The following INSYN2B variants were observed in gnomAD, a reference collection of about 807,000 sequenced individuals.
INSYN2B encodes protein INSYN2B.
In INSYN2B, 16 loss-of-function variants were observed where a neutral mutation model predicts 41.2. That is an observed-to-expected ratio of 0.39 (90% CI 0.26 to 0.59). INSYN2B has a LOEUF of 0.59. Among genes scored for constraint, INSYN2B ranks in the 20% least tolerant of loss-of-function variants. The pLI, the probability that INSYN2B is intolerant of heterozygous loss-of-function variation, is 0.57. For synonymous variants in INSYN2B, 245 were observed against 244.4 expected, an observed-to-expected ratio of 1.00 and a Z score of -0.02; for missense variants, 608 against 646.4, an observed-to-expected ratio of 0.94 and a Z score of 0.64.
chr5:169,868,004 A>G (rs1265829639), intron 3 of INSYN2B, among the ~76,000 whole-genome samples: 1 of 152,222 alleles, frequency 6.6e-6, no homozygotes, highest in African/African-American at 2.4e-5. Context: ...AGCTCCTGAA[A>G]TAGCCCTGCC....
At chr5:169,967,337 T>A (rs1428377506) in intron 1 of INSYN2B, among the ~76,000 whole-genome samples, 7 of 152,066 alleles carry the variant, frequency 4.6e-5, no homozygotes, top group African/African-American at 1.7e-4. Context: ...GTTTAAAAGG[T>A]AGGTAGATAC....
At chr5:169,955,662 G>A (rs1449776010) in intron 1 of INSYN2B, among the ~76,000 whole-genome samples, 1 of 152,164 alleles carries the variant, frequency 6.6e-6, no homozygotes, top group Non-Finnish European at 1.5e-5. Flanking sequence ...AGGCAAACCT[G>A]GTTTTGAATT....
rs535698757 is a variant in INSYN2B, at chr5:169,888,703, A to G, written c.-918-3887T>C. Among the ~76,000 whole-genome samples, 11 of 152,362 alleles carry G rather than the reference A, an allele frequency of 7.2e-5. 1 individual carries two copies. The South Asian group carries it at 2.1e-3, about 29-fold the overall frequency. On this transcript the variant is annotated intron_variant, in intron 1 of 3. Transcript: ENST00000377365. Reference sequence around the variant, plus strand: ...CACTTTCTGACTATTGACTTGGAACAAGTGACTTGATCTTTGTAAAACCGC... The same window carrying G: ...CACTTTCTGACTATTGACTTGGAACGAGTGACTTGATCTTTGTAAAACCGC...
chr5:169,911,706 C>T (rs1276525077), intron 1 of INSYN2B, among the ~76,000 whole-genome samples: 2 of 152,174 alleles, frequency 1.3e-5, no homozygotes, highest in East Asian at 3.8e-4. Flanking sequence ...GAAGTTGGTG[C>T]TACAGAGATG....
chr5:169,894,463 T>G (rs1045408890), intron 1 of INSYN2B, among the ~76,000 whole-genome samples: 1 of 152,154 alleles, frequency 6.6e-6, no homozygotes, highest in African/African-American at 2.4e-5. Context: ...CAGTGCGCCA[T>G]CCACCCTGGT....
At chr5:169,927,681 A>G (rs561831296) in intron 1 of INSYN2B, among the ~76,000 whole-genome samples, 1 of 152,376 alleles carries the variant, frequency 6.6e-6, no homozygotes, top group African/African-American at 2.4e-5. Flanking sequence ...CAGTGGCACA[A>G]TCTTGGCTCA....
chr5:169,979,260 C>CT (rs1464747336), intron 1 of INSYN2B, among the ~76,000 whole-genome samples: 1 of 152,164 alleles, frequency 6.6e-6, no homozygotes, highest in Non-Finnish European at 1.5e-5. Context: ...TTAGGGCTGT[C>CT]TAAGTTGCTA....
chr5:169,947,482 A>T (rs1002504907), intron 1 of INSYN2B, among the ~76,000 whole-genome samples: 4 of 152,204 alleles, frequency 2.6e-5, no homozygotes, highest in Non-Finnish European at 5.9e-5. Context: ...GCACAGGCTC[A>T]GAGAGGTGAA....
At chr5:169,896,909 G>A (rs560594957) in intron 1 of INSYN2B, among the ~76,000 whole-genome samples, 2 of 152,250 alleles carry the variant, frequency 1.3e-5, no homozygotes, top group Non-Finnish European at 2.9e-5. Context: ...TTAATAAAGA[G>A]GAGAAAAACT....
At chr5:169,939,413 A>T (rs2113701873) in intron 1 of INSYN2B, among the ~76,000 whole-genome samples, 1 of 152,160 alleles carries the variant, frequency 6.6e-6, no homozygotes, top group African/African-American at 2.4e-5. Context: ...GTCCTGAAGG[A>T]CCTGCCTGAG....
At chr5:169,972,586 T>TAGATAGATGATAGATAGATA (rs1554122913) in intron 1 of INSYN2B, among the ~76,000 whole-genome samples, 6 of 69,040 alleles carry the variant, frequency 8.7e-5, no homozygotes, top group Admixed American at 7.5e-4. Flanking sequence ...GATAGATAGA[T>TAGATAGATGATAGATAGATA]GATAGATAGA....
chr5:169,890,843 C>T (rs1773239271), intron 1 of INSYN2B, among the ~76,000 whole-genome samples: 1 of 152,172 alleles, frequency 6.6e-6, no homozygotes, highest in Non-Finnish European at 1.5e-5. Flanking sequence ...CATCTCTCAC[C>T]TGTATCACTG....
intron 1 of INSYN2B, among the ~76,000 whole-genome samples, chr5:169,901,071 G>T (rs1773893846): frequency 6.6e-6 from 1 of 152,168 alleles, no homozygotes; most frequent in Non-Finnish European, 1.5e-5. Context: ...AAAAAATAGA[G>T]GCCGGTGGGA....
At chr5:169,965,797 C>A (rs1197444051) in intron 1 of INSYN2B, among the ~76,000 whole-genome samples, 1 of 152,108 alleles carries the variant, frequency 6.6e-6, no homozygotes. Flanking sequence ...GAAACTGAGG[C>A]CTATAGAGGT....
At chr5:169,886,835 T>C (rs1354725347) in intron 1 of INSYN2B, among the ~76,000 whole-genome samples, 1 of 152,212 alleles carries the variant, frequency 6.6e-6, no homozygotes, top group African/African-American at 2.4e-5. Flanking sequence ...CTGGGAACGA[T>C]AACTCACACA....
intron 1 of INSYN2B, chr5:169,934,585 G>A (rs1033950173): frequency 2.2e-6 from 1 of 454,194 alleles, no homozygotes; most frequent in Non-Finnish European, 4.4e-6. Context: ...CCTGCTCTTT[G>A]CTTCCAGGCT....
intron 1 of INSYN2B, among the ~76,000 whole-genome samples, chr5:169,901,429 G>GTGTGGGCATGCATGCGTGCA (rs1773917146): frequency 6.6e-6 from 1 of 152,184 alleles, no homozygotes; most frequent in Admixed American, 6.5e-5. Flanking sequence ...GTGTGTGTGT[G>GTGTGGGCATGCATGCGTGCA]TGTGGGCATG....
In INSYN2B at chr5:169,883,935, T is replaced by C. The variant is rs1331765167; in HGVS notation, c.-37A>G. 9.0e-6 allele frequency: 13 copies of C among 1,449,232 alleles called. No homozygotes were observed. The highest frequency in any genetic ancestry group is 1.1e-5 in the Non-Finnish European group (12 of 1,097,580). The allele number at this position is 1,449,232 out of a possible 1,614,324, so 89.8% of individuals were successfully genotyped here. A position where few individuals can be genotyped will look rare whatever the true frequency, so the allele number is the denominator to read the frequency against. On this transcript the variant is annotated 5_prime_UTR_variant, in exon 2 of 4. Transcript: ENST00000377365. ...GGGAAGGATCAGGACCATACACTTCTCCTAGGCACATCTCCCCTTAGGTCT... is the reference window on the plus strand; with the variant it reads ...GGGAAGGATCAGGACCATACACTTCCCCTAGGCACATCTCCCCTTAGGTCT...
At chr5:169,885,659 A>G (rs1346745201) in intron 1 of INSYN2B, among the ~76,000 whole-genome samples, 1 of 152,146 alleles carries the variant, frequency 6.6e-6, no homozygotes, top group Non-Finnish European at 1.5e-5. Flanking sequence ...AATTAAAACA[A>G]CTCATATTTA....
Sources: gnomAD v4.1 joint callset for allele counts (sites outside exome capture counted in the v4.1 genomes callset) on GRCh38, gnomAD v4.1.1 for gene constraint, MANE v1.5 for transcripts, NCBI Gene and HGNC (gene_info 2026-07-23, HGNC 2026-07-21) for gene names.